CACNA2D3: variants seen among roughly 807,000 people sequenced by gnomAD.
CACNA2D3 encodes the protein voltage-dependent calcium channel subunit alpha-2/delta-3.
Under a neutral mutation model 160.6 loss-of-function variants are expected in CACNA2D3, and 60 were observed. The ratio of observed to expected loss-of-function variants is 0.37; its 90% CI spans 0.30 to 0.46. The LOEUF (loss-of-function observed/expected upper bound fraction) is 0.46. Among genes scored for constraint, CACNA2D3 ranks in the 20% least tolerant of loss-of-function variants. CACNA2D3 has a pLI of 1.00. For missense variants in CACNA2D3, 1,205 were observed against 1,365.0 expected (o/e 0.88, Z 1.85); for synonymous variants, 558 against 492.9 (o/e 1.13, Z -1.75).
intron 11 of CACNA2D3, among the ~76,000 whole-genome samples, chr3:54,691,209 G>A (rs764698264): frequency 1.1e-4 from 17 of 152,178 alleles, no homozygotes; most frequent in Non-Finnish European, 2.2e-4. Context: ...ACGCTGCAGA[G>A]TTTTATGTGC....
intron 13 of CACNA2D3, among the ~76,000 whole-genome samples, chr3:54,805,295 AG>A (rs1324544127): frequency 2.6e-5 from 4 of 152,220 alleles, no homozygotes; most frequent in Non-Finnish European, 4.4e-5. Flanking sequence ...CAATATTGAT[AG>A]ACCACTAGCA....
At chr3:54,909,643 ATTTTTT>A (rs759615370) in intron 27 of CACNA2D3, among the ~76,000 whole-genome samples, 1 of 123,856 alleles carries the variant, frequency 8.1e-6, no homozygotes, top group African/African-American at 3.0e-5. Context: ...TTTTTTTGTG[ATTTTTT>A]TTTTTTTTTT....
chr3:54,434,700 A>T (rs1196733539), intron 4 of CACNA2D3, among the ~76,000 whole-genome samples: 1 of 152,178 alleles, frequency 6.6e-6, no homozygotes, highest in African/African-American at 2.4e-5. Context: ...GGCCCACCCA[A>T]CCAGGAGGGT....
At chr3:54,159,942 A>T (rs1212635664) in intron 2 of CACNA2D3, among the ~76,000 whole-genome samples, 1 of 152,232 alleles carries the variant, frequency 6.6e-6, no homozygotes, top group South Asian at 2.1e-4. Context: ...AGAAGATAAC[A>T]TACAATTATT....
intron 13 of CACNA2D3, among the ~76,000 whole-genome samples, chr3:54,811,749 C>T (rs1291802982): frequency 6.6e-6 from 1 of 152,074 alleles, no homozygotes; most frequent in Non-Finnish European, 1.5e-5. Context: ...GATCTGCTCA[C>T]CTCGGCCTCC....
At chr3:54,226,583 A>G (rs530315238) in intron 2 of CACNA2D3, among the ~76,000 whole-genome samples, 6 of 152,228 alleles carry the variant, frequency 3.9e-5, no homozygotes, top group African/African-American at 1.2e-4. Flanking sequence ...GATTACAGGC[A>G]TGAGCCACCA....
At chr3:54,366,338 T>C (rs1288257876) in intron 3 of CACNA2D3, among the ~76,000 whole-genome samples, 1 of 152,220 alleles carries the variant, frequency 6.6e-6, no homozygotes, top group Non-Finnish European at 1.5e-5. Flanking sequence ...TCAATGATGA[T>C]GGCATGGGAC....
intron 4 of CACNA2D3, among the ~76,000 whole-genome samples, chr3:54,463,238 C>G (rs184888312): frequency 6.6e-6 from 1 of 152,156 alleles, no homozygotes; most frequent in East Asian, 1.9e-4. Flanking sequence ...TTTGGTGAGT[C>G]TGACAATTAC....
At chr3:54,854,579 C>T (rs754979864) in intron 17 of CACNA2D3, among the ~76,000 whole-genome samples, 1 of 151,954 alleles carries the variant, frequency 6.6e-6, no homozygotes, top group Admixed American at 6.5e-5. Context: ...TGCCAGGCGC[C>T]GCAGCACCCA....
chr3:54,281,649 T>C (rs774238294), intron 2 of CACNA2D3, among the ~76,000 whole-genome samples: 22 of 152,240 alleles, frequency 1.4e-4, no homozygotes, highest in Admixed American at 1.2e-3. Flanking sequence ...TTATGTTTTA[T>C]TGATGTCTTC....
At chr3:54,137,562 A>G (rs1699837315) in intron 2 of CACNA2D3, among the ~76,000 whole-genome samples, 1 of 152,192 alleles carries the variant, frequency 6.6e-6, no homozygotes, top group Admixed American at 6.5e-5. Flanking sequence ...TTTTTTTCTA[A>G]GTCAGTGCCT....
chr3:54,509,428 A>AT (rs1475451865), intron 5 of CACNA2D3, among the ~76,000 whole-genome samples: 1 of 152,146 alleles, frequency 6.6e-6, no homozygotes, highest in Non-Finnish European at 1.5e-5. Flanking sequence ...TCTGAACTAA[A>AT]GCATTTGGAT....
intron 13 of CACNA2D3, chr3:54,789,804 C>G (rs1372001345): frequency 9.9e-6 from 5 of 506,688 alleles, no homozygotes; most frequent in African/African-American, 5.8e-5. Flanking sequence ...GCCAGTTTGG[C>G]TCACATCTAA....
intron 4 of CACNA2D3, among the ~76,000 whole-genome samples, chr3:54,389,259 C>G (rs1305385631): frequency 2.0e-5 from 3 of 151,412 alleles, no homozygotes; most frequent in African/African-American, 4.9e-5. Flanking sequence ...CACGCCAGTG[C>G]ACTCCAGCCT....
intron 34 of CACNA2D3, among the ~76,000 whole-genome samples, chr3:55,011,875 G>A (rs1027219758): frequency 1.4e-4 from 21 of 152,060 alleles, no homozygotes; most frequent in African/African-American, 4.1e-4. Context: ...TTTACCATTC[G>A]CTTTTCTTAT....
chr3:54,713,675 G>T (rs766447434), intron 11 of CACNA2D3, among the ~76,000 whole-genome samples: 1 of 152,186 alleles, frequency 6.6e-6, no homozygotes, highest in African/African-American at 2.4e-5. Flanking sequence ...GGCACAAGGA[G>T]GGCCTGGCAG....
chr3:54,382,793 A>G (rs1489137124), intron 3 of CACNA2D3, among the ~76,000 whole-genome samples: 1 of 152,222 alleles, frequency 6.6e-6, no homozygotes, highest in Non-Finnish European at 1.5e-5. Context: ...CAAAAACAAA[A>G]CAAAGCAAAG....
chr3:54,581,815 C>T lies in CACNA2D3; in HGVS notation c.901C>T (p.Leu301Phe), dbSNP rs774101242. The change falls in exon 9 of 38, where the codon CTT (leucine) becomes TTT (phenylalanine). Residue 301 changes from leucine to phenylalanine, a missense_variant. Physicochemically the swap from Leu to Phe is conservative, Grantham distance 22. Around this residue, in one of 3 missense-constraint regions of CACNA2D3, gnomAD observed 911 missense variants for 1,002.2 expected, o/e 0.91. Transcript: ENST00000474759. Reference protein sequence around the residue: ...FFNIIAYNEELHYVEPCLNGT... With the variant: ...FFNIIAYNEEFHYVEPCLNGT... ...TTTTCCTTTGCAGTATAATGAGGAG[C>T]TTCACTATGTGGAACCTTGCCTGAA... 2 of 1,613,418 alleles carry T rather than the reference C, an allele frequency of 1.2e-6. No homozygotes were observed. The highest frequency in any genetic ancestry group is 1.3e-5 in the African/African-American group (1 of 74,910).
At chr3:54,172,387 T>C (rs566819009) in intron 2 of CACNA2D3, among the ~76,000 whole-genome samples, 3 of 152,264 alleles carry the variant, frequency 2.0e-5, no homozygotes, top group African/African-American at 7.2e-5. Context: ...GTTTCCCCCC[T>C]CTCTGGAAAT....
Sources: allele counts gnomAD v4.1 joint callset (sites outside exome capture counted in the v4.1 genomes callset), GRCh38; gene constraint gnomAD v4.1.1; regional missense constraint gnomAD v4.1.1; transcripts MANE v1.5; gene names NCBI Gene and HGNC (gene_info 2026-07-23, HGNC 2026-07-21).